The following REPS2 variants were observed in gnomAD, a reference collection of about 807,000 sequenced individuals.
The protein encoded by REPS2 is RALBP1 associated Eps domain containing 2, also known as ralBP1-associated Eps domain-containing protein 2.
In REPS2, 23 loss-of-function variants were observed where a neutral mutation model predicts 53.6. The observed-to-expected ratio is 0.43, with a 90% CI of 0.31 to 0.61. REPS2 has a LOEUF of 0.61. REPS2 is among the 20% of genes least tolerant of loss of function. The probability of loss-of-function intolerance (pLI) is 0.11; values close to 1 mark genes in which losing one functional copy is unlikely to be tolerated. For synonymous variants in REPS2, 238 were observed against 218.6 expected (o/e 1.09, Z -0.78); for missense variants, 446 against 534.9 (o/e 0.83, Z 1.64).
intron 8 of REPS2, among the ~76,000 whole-genome samples, chrX:17,055,727 C>T (rs1380748120): frequency 1.9e-5 from 2 of 102,682 alleles, no homozygotes; most frequent in African/African-American, 7.1e-5. Context: ...TCTCAGTAAA[C>T]TATCGCAAGA....
chrX:17,019,344 C>A (rs1414764425), intron 2 of REPS2, among the ~76,000 whole-genome samples: 1 of 112,204 alleles, frequency 8.9e-6, no homozygotes, highest in Non-Finnish European at 1.9e-5. Context: ...TCTCCTCAGA[C>A]CCTCTAAACA....
the REPS2 span, among the ~76,000 whole-genome samples, chrX:17,165,831 C>T: frequency 9.0e-6 from 1 of 110,913 alleles, no homozygotes; most frequent in East Asian, 2.8e-4. Flanking sequence ...TATGCCCTGT[C>T]CTTACTCTGC....
intron 5 of REPS2, among the ~76,000 whole-genome samples, chrX:17,045,803 A>G (rs906709414): frequency 2.7e-5 from 3 of 110,391 alleles, no homozygotes; most frequent in Non-Finnish European, 5.7e-5. Context: ...CCTTAACCCA[A>G]GGTGTGAGAT....
intron 11 of REPS2, among the ~76,000 whole-genome samples, chrX:17,071,347 A>T (rs958182872): frequency 1.1e-5 from 1 of 89,977 alleles, no homozygotes; most frequent in African/African-American, 4.3e-5. Context: ...GCCTTTGAGG[A>T]TCATAACTTT....
At chrX:16,961,141 G>GA (rs201619615) in intron 1 of REPS2, among the ~76,000 whole-genome samples, 1,520 of 111,799 alleles carry the variant, frequency 0.014, 33 homozygotes, top group East Asian at 0.13. Context: ...TAGAATAGCC[G>GA]AAACAGTCTT....
chrX:17,165,214 C>A, the REPS2 span, among the ~76,000 whole-genome samples: 468 of 112,240 alleles, frequency 4.2e-3, 4 homozygotes, highest in Non-Finnish European at 6.7e-3. Context: ...TCTATTGAAT[C>A]AGTCAGACTG....
chrX:17,180,712 G>A, the REPS2 span, among the ~76,000 whole-genome samples: 2 of 110,921 alleles, frequency 1.8e-5, no homozygotes, highest in South Asian at 3.9e-4. Context: ...ACAACACTTC[G>A]TCAAAATCCT....
intron 1 of REPS2, among the ~76,000 whole-genome samples, chrX:16,978,093 T>C (rs2060978431): frequency 8.9e-6 from 1 of 112,123 alleles, no homozygotes; most frequent in African/African-American, 3.2e-5. Flanking sequence ...TGAAAGCCTC[T>C]ATTCTAAATT....
downstream of REPS2, among the ~76,000 whole-genome samples, chrX:17,154,124 G>C (rs992762616): frequency 4.5e-5 from 5 of 111,604 alleles, no homozygotes; most frequent in African/African-American, 1.6e-4. Context: ...GCTGATGTAC[G>C]CTAAAGCTGG....
intron 14 of REPS2, among the ~76,000 whole-genome samples, chrX:17,115,700 T>C (rs2063043297): frequency 8.9e-6 from 1 of 112,403 alleles, no homozygotes; most frequent in Non-Finnish European, 1.9e-5. Context: ...TTTGTGTCCC[T>C]GGGTACTTGA....
chrX:16,967,978 G>A (rs1294123984), intron 1 of REPS2, among the ~76,000 whole-genome samples: 1 of 110,761 alleles, frequency 9.0e-6, no homozygotes, highest in Non-Finnish European at 1.9e-5. Flanking sequence ...CCTAGGCAGA[G>A]GACTCTGCGG....
chrX:16,993,981 A>C (rs940130858), intron 1 of REPS2, among the ~76,000 whole-genome samples: 30 of 113,056 alleles, frequency 2.7e-4, no homozygotes, highest in Admixed American at 1.6e-3. Context: ...ACTAGGGGGC[A>C]GTACTGCCAG....
At chrX:16,951,557 ACAC>A (rs1434563450) in intron 1 of REPS2, among the ~76,000 whole-genome samples, 510 of 22,206 alleles carry the variant, frequency 0.023, 18 homozygotes, top group East Asian at 0.22. Context: ...ACACACACAC[ACAC>A]CCCCGCTACC....
chrX:16,959,592 G>A (rs1374617007), intron 1 of REPS2, among the ~76,000 whole-genome samples: 2 of 111,402 alleles, frequency 1.8e-5, no homozygotes, highest in Admixed American at 9.6e-5. Context: ...TAATGTTTGG[G>A]GGTATGGCCA....
the REPS2 span, among the ~76,000 whole-genome samples, chrX:17,173,356 C>T: frequency 1.1e-3 from 126 of 112,105 alleles, no homozygotes; most frequent in Non-Finnish European, 1.0e-3. Context: ...GGCTTCTTCC[C>T]GGCTGTTGAA....
At chrX:17,181,130 G>A in the REPS2 span, among the ~76,000 whole-genome samples, 1 of 112,728 alleles carries the variant, frequency 8.9e-6, no homozygotes, top group African/African-American at 3.2e-5. Context: ...GGCTGCCCTA[G>A]ACTAGAAGCC....
At chrX:16,962,847 C>T (rs966855413) in intron 1 of REPS2, among the ~76,000 whole-genome samples, 4 of 112,500 alleles carry the variant, frequency 3.6e-5, no homozygotes, top group East Asian at 2.8e-4. Context: ...GTAATACCAG[C>T]ATTTTGGGAG....
At position 16,946,827 on chromosome X, in the gene REPS2, G is replaced by C. The variant is rs1239960951; in HGVS notation, c.-35G>C. On this transcript the variant is annotated 5_prime_UTR_variant, in exon 1 of 18. Coordinates refer to ENST00000357277, the MANE Select transcript of REPS2 (RefSeq NM_004726.3). The stretch of plus-strand genomic sequence containing the variant: ...GGCGGACGCAGCAGCACCCCAGCTA[G>C]GGACAGGGCTCCGCCGCGCCCCCTT... 63 of 754,071 alleles carry C rather than the reference G, an allele frequency of 8.4e-5. No homozygotes were observed. The highest frequency in any genetic ancestry group is 9.3e-5 in the Non-Finnish European group (60 of 642,978). 62.1% of individuals were successfully genotyped at this position (754,071 alleles called of 1,213,427 possible). A position where few individuals can be genotyped will look rare whatever the true frequency, so the allele number is the denominator to read the frequency against.
chrX:17,115,092 A>G (rs2063029617), intron 14 of REPS2, among the ~76,000 whole-genome samples: 1 of 112,400 alleles, frequency 8.9e-6, no homozygotes, highest in Admixed American at 9.5e-5. Flanking sequence ...AAAGACACAG[A>G]GACAAAGTAT....
Sources: gnomAD v4.1 joint callset for allele counts (sites outside exome capture counted in the v4.1 genomes callset) on GRCh38, gnomAD v4.1.1 for gene constraint, MANE v1.5 for transcripts, NCBI Gene and HGNC (gene_info 2026-07-23, HGNC 2026-07-21) for gene names.